FMNL2: variants seen among roughly 807,000 people sequenced by gnomAD.
FMNL2 encodes formin like 2.
In FMNL2, 51 loss-of-function variants were observed where a neutral mutation model predicts 130.2. That is an observed-to-expected ratio of 0.39 (90% confidence interval 0.31 to 0.49). FMNL2 has a LOEUF of 0.49. FMNL2 is among the 20% of genes least tolerant of loss of function. FMNL2 has a pLI of 0.85. For synonymous variants in FMNL2, 465 were observed against 467.1 expected, an observed-to-expected ratio of 1.00 and a Z score of 0.06; for missense variants, 977 against 1,316.2, an observed-to-expected ratio of 0.74 and a Z score of 3.99.
At chr2:152,450,480 T>TA (rs1221489538) in intron 1 of FMNL2, among the ~76,000 whole-genome samples, 1 of 152,254 alleles carries the variant, frequency 6.6e-6, no homozygotes, top group African/African-American at 2.4e-5. Flanking sequence ...GTGTTATACT[T>TA]AAAGATGAAA....
chr2:152,423,179 A>G lies in FMNL2; in HGVS notation c.117+87459A>G, dbSNP rs550468672. On this transcript the variant is annotated intron_variant, in intron 1 of 25. Transcript: ENST00000288670. ...CTGAAGCATTTATTTTTTGTGTTAA[A>G]AACAATCCAGTTATATTATTTAATT... Among the ~76,000 whole-genome samples, 5 of 152,296 alleles carry G rather than the reference A, an allele frequency of 3.3e-5. No individual in the cohort carries two copies. In the South Asian group the frequency reaches 1.0e-3, roughly 32 times the overall value.
At chr2:152,621,055 A>G (rs1043320607) in intron 15 of FMNL2, 2 of 985,286 alleles carry the variant, frequency 2.0e-6, no homozygotes, top group Non-Finnish European at 2.4e-6. Flanking sequence ...GAAACCTCAT[A>G]TCAAGCCCCG....
chr2:152,503,298 A>G (rs1691955530), intron 1 of FMNL2, among the ~76,000 whole-genome samples: 2 of 152,152 alleles, frequency 1.3e-5, no homozygotes, highest in Admixed American at 6.5e-5. Flanking sequence ...CATCAGGGCT[A>G]TAGGAGTGAA....
At chr2:152,643,990 G>A in intron 25 of FMNL2, 1 of 707,926 alleles carries the variant, frequency 1.4e-6, no homozygotes, top group Non-Finnish European at 1.7e-6. Context: ...AGTACTTTGA[G>A]AGGCTGAGGC....
At chr2:152,614,614 G>A (rs540904847) in intron 11 of FMNL2, among the ~76,000 whole-genome samples, 57 of 152,058 alleles carry the variant, frequency 3.7e-4, no homozygotes, top group African/African-American at 1.2e-3. Context: ...GTGGTGGCGC[G>A]TGCCTGTAAT....
Position 152,538,020 on chromosome 2 carries a change from A to C in FMNL2, c.202-4719A>C, listed in dbSNP as rs7571665. ...GAAGCTTGAGTGAGCTAAGAGGTCT[A>C]AAGAATGTGATAAACTGTGAAGTAT... On this transcript the variant is annotated intron_variant, in intron 2 of 25. Coordinates refer to ENST00000288670, the MANE Select transcript of FMNL2 (RefSeq NM_052905.4). Among the ~76,000 whole-genome samples, 1,208 of 152,340 alleles carry C rather than the reference A, an allele frequency of 7.9e-3. 14 individuals carry two copies. Among genetic ancestry groups the C allele is most frequent in the African/African-American group, 0.027 (1,139 of 41,582 alleles).
At chr2:152,461,352 T>C (rs988379848) in intron 1 of FMNL2, among the ~76,000 whole-genome samples, 3 of 119,054 alleles carry the variant, frequency 2.5e-5, no homozygotes, top group Admixed American at 8.7e-5. Flanking sequence ...TAGTGAGATA[T>C]TTTACTTTTT....
intron 1 of FMNL2, among the ~76,000 whole-genome samples, chr2:152,436,251 C>T (rs544454598): frequency 1.3e-5 from 2 of 152,110 alleles, no homozygotes; most frequent in East Asian, 3.9e-4. Flanking sequence ...CTGCAGCCTC[C>T]ACCTCCCAGG....
At chr2:152,462,316 G>T (rs927210118) in intron 1 of FMNL2, among the ~76,000 whole-genome samples, 7 of 152,152 alleles carry the variant, frequency 4.6e-5, no homozygotes, top group Non-Finnish European at 8.8e-5. Flanking sequence ...AATTAGTTTA[G>T]GCAGTGAGAA....
chr2:152,628,695 G>A (rs538721262), intron 18 of FMNL2, among the ~76,000 whole-genome samples, 162 bp downstream of exon 18: 1 of 152,262 alleles, frequency 6.6e-6, no homozygotes, highest in South Asian at 2.1e-4. Flanking sequence ...TCCACATTAT[G>A]TATGCAAAGT....
intron 1 of FMNL2, among the ~76,000 whole-genome samples, chr2:152,464,411 C>G (rs1400353390): frequency 6.6e-6 from 1 of 152,192 alleles, no homozygotes; most frequent in Admixed American, 6.5e-5. Context: ...TCTTGTTTGG[C>G]TTCCACTCTT....
intron 1 of FMNL2, among the ~76,000 whole-genome samples, chr2:152,408,598 A>G (rs1184460083): frequency 6.6e-6 from 1 of 152,096 alleles, no homozygotes; most frequent in Non-Finnish European, 1.5e-5. Context: ...TTGCCCTGAT[A>G]AACCCATTGT....
intron 7 of FMNL2, among the ~76,000 whole-genome samples, chr2:152,575,977 A>C (rs945625563): frequency 2.6e-5 from 4 of 152,198 alleles, no homozygotes; most frequent in Non-Finnish European, 5.9e-5. Flanking sequence ...TCTTAACAAC[A>C]AAGTGGAAGT....
intron 1 of FMNL2, among the ~76,000 whole-genome samples, chr2:152,343,751 G>A (rs1681949739): frequency 6.6e-6 from 1 of 152,026 alleles, no homozygotes; most frequent in African/African-American, 2.4e-5. Context: ...TTTTCTCTCC[G>A]TGGAAGTTTG....
intron 2 of FMNL2, among the ~76,000 whole-genome samples, chr2:152,540,027 C>A (rs540528990): frequency 4.6e-5 from 7 of 152,196 alleles, no homozygotes; most frequent in African/African-American, 1.7e-4. Context: ...GAAGTCGAGG[C>A]TGCAGTGAGC....
intron 9 of FMNL2, among the ~76,000 whole-genome samples, chr2:152,601,682 T>C (rs2105820549): frequency 6.8e-6 from 1 of 147,998 alleles, no homozygotes; most frequent in East Asian, 2.0e-4. Context: ...TTTTTTTTTT[T>C]TTTTTGAGAC....
chr2:152,439,902 G>A (rs760849684), intron 1 of FMNL2, among the ~76,000 whole-genome samples: 32 of 151,134 alleles, frequency 2.1e-4, no homozygotes, highest in Admixed American at 1.1e-3. Flanking sequence ...TGGTCTCACC[G>A]TTAATACATT....
chr2:152,377,767 A>G (rs1684251775), intron 1 of FMNL2, among the ~76,000 whole-genome samples: 1 of 152,230 alleles, frequency 6.6e-6, no homozygotes, highest in South Asian at 2.1e-4. Flanking sequence ...GGATTGCTAA[A>G]ATAATCATAC....
intron 1 of FMNL2, among the ~76,000 whole-genome samples, chr2:152,373,547 G>A (rs1480550399): frequency 1.3e-5 from 2 of 152,244 alleles, no homozygotes; most frequent in East Asian, 1.9e-4. Context: ...ATATAAAGTG[G>A]CATATTGTTT....
Sources: allele counts gnomAD v4.1 joint callset (sites outside exome capture counted in the v4.1 genomes callset), GRCh38; gene constraint gnomAD v4.1.1; transcripts MANE v1.5; gene names NCBI Gene and HGNC (gene_info 2026-07-23, HGNC 2026-07-21).